The following PDE6A variants were observed in gnomAD, a reference collection of about 807,000 sequenced individuals.
PDE6A encodes phosphodiesterase 6A.
A neutral mutation model predicts 106.3 loss-of-function variants in PDE6A; 84 were observed. The observed-to-expected ratio is 0.79, with a 90% CI of 0.66 to 0.95. The LOEUF is 0.95. Ranked by LOEUF, PDE6A falls within the 40% of genes least tolerant of loss-of-function variation. The pLI is 0.00. For missense variants in PDE6A, 1,052 were observed against 1,084.9 expected (o/e 0.97, Z 0.43); for synonymous variants, 394 against 386.6 (o/e 1.02, Z -0.23).
intron 4 of PDE6A, among the ~76,000 whole-genome samples, chr5:149,930,625 T>C (rs1754004983): frequency 6.6e-6 from 1 of 152,180 alleles, no homozygotes; most frequent in Non-Finnish European, 1.5e-5. Context: ...ATTGCCTGGG[T>C]GAGCTCTGGA....
At chr5:149,898,088 G>A (rs1305500057) in intron 10 of PDE6A, among the ~76,000 whole-genome samples, 1 of 152,196 alleles carries the variant, frequency 6.6e-6, no homozygotes, top group Non-Finnish European at 1.5e-5. Flanking sequence ...CCCCAAGAAT[G>A]AGGTGTTTCT....
rs533660014 is a variant in PDE6A at position 149,883,569 on chromosome 5, A to C, written c.2028-33T>G. The C allele has an allele frequency of 4.3e-5, 62 of 1,445,060 alleles. 2 individuals are homozygous for C. In the South Asian group the frequency reaches 6.8e-4, roughly 16 times the overall value. The allele number at this position is 1,445,060 out of a possible 1,614,324, so 89.5% of individuals were successfully genotyped here. A position where few individuals can be genotyped will look rare whatever the true frequency, so the allele number is the denominator to read the frequency against. On this transcript the variant is annotated intron_variant, in intron 16 of 21. Coordinates refer to ENST00000255266, the MANE Select transcript of PDE6A (RefSeq NM_000440.3). Reference sequence around the variant, plus strand: ...ACATATCAGTCTAGTAAAGGGAGCAAGTCTTAGAATAAGGCAACACCTGAG... The same window carrying C: ...ACATATCAGTCTAGTAAAGGGAGCACGTCTTAGAATAAGGCAACACCTGAG...
chr5:149,894,629 ATTTTTTT>A (rs10657525), intron 13 of PDE6A, among the ~76,000 whole-genome samples: 1 of 113,050 alleles, frequency 8.8e-6, no homozygotes, highest in African/African-American at 3.6e-5. Flanking sequence ...GAACTGTTGA[ATTTTTTT>A]TTTTTTTTTT....
In PDE6A at chr5:149,860,573, C is replaced by A. The variant is rs1053512936; in HGVS notation, c.*322G>T. On this transcript the variant is annotated 3_prime_UTR_variant, in exon 22 of 22. Coordinates refer to ENST00000255266, the MANE Select transcript of PDE6A (RefSeq NM_000440.3). ...CAACCCACGGCCCGTGGGCCACATGCAGCCCAGGACGGCTTTGAATGCGGC... is the reference window on the plus strand; with the variant it reads ...CAACCCACGGCCCGTGGGCCACATGAAGCCCAGGACGGCTTTGAATGCGGC... The A allele has an allele frequency of 1.6e-5, 4 of 245,316 alleles. No individual in the cohort carries two copies. The East Asian group carries it at 3.3e-4, about 20-fold the overall frequency. The allele number at this position is 245,316 out of a possible 1,614,324, so 15.2% of individuals were successfully genotyped here.
At chr5:149,876,126 T>C (rs1760729955) in intron 17 of PDE6A, among the ~76,000 whole-genome samples, 7 of 152,158 alleles carry the variant, frequency 4.6e-5, no homozygotes. Flanking sequence ...AGCCTCTAAG[T>C]GTTGAAAAAT....
rs1489667216 is a variant in PDE6A at position 149,944,432 on chromosome 5, A to G, written c.242T>C (p.Val81Ala). 1.2e-6 allele frequency: 2 copies of G among 1,613,990 alleles called. No individual in the cohort carries two copies. The highest frequency in any genetic ancestry group is 1.7e-5 in the Admixed American group (1 of 60,014). Residue 81 changes from valine to alanine, a missense_variant, in exon 1 of 22, where the codon GTC (valine) becomes GCC (alanine). Physicochemically the swap from Val to Ala is moderately conservative, Grantham distance 64. This residue lies in a region of PDE6A where 913 missense variants were observed against 915.2 expected (regional missense o/e 1.00). Transcript: ENST00000255266. ...CAGGAGGAAGCACAGCTTCTTCATGACATTGAAGATGCATTTCTCTGTCTG... is the reference window on the plus strand; with the variant it reads ...CAGGAGGAAGCACAGCTTCTTCATGGCATTGAAGATGCATTTCTCTGTCTG... The part of the protein sequence containing the change: ...NLQTEKCIFN[V>A]MKKLCFLLQA...
chr5:149,896,248 AC>A, intron 12 of PDE6A, 107 bp downstream of exon 12: 1 of 893,624 alleles, frequency 1.1e-6, no homozygotes, highest in Non-Finnish European at 1.8e-6. Context: ...AATCCTAAAT[AC>A]TGAGAGTAAA....
intron 6 of PDE6A, 95 bp from the exon 7 acceptor site, chr5:149,907,473 T>G: frequency 1.0e-6 from 1 of 972,324 alleles, no homozygotes; most frequent in Non-Finnish European, 1.7e-6. Flanking sequence ...TGCTCTCAGG[T>G]GGCTCTCAGC....
chr5:149,874,967 C>T (rs911754200), intron 17 of PDE6A, among the ~76,000 whole-genome samples: 21 of 152,230 alleles, frequency 1.4e-4, no homozygotes, highest in African/African-American at 5.1e-4. Context: ...GATGAGGAAA[C>T]TGAGGTGAGG....
At chr5:149,885,832 TG>T (rs1456258781) in intron 14 of PDE6A, among the ~76,000 whole-genome samples, 1 of 152,250 alleles carries the variant, frequency 6.6e-6, no homozygotes, top group African/African-American at 2.4e-5. Flanking sequence ...TCCGTTTCCT[TG>T]CTCTTTTGAG....
At chr5:149,880,259 C>A (rs944480310) in intron 17 of PDE6A, among the ~76,000 whole-genome samples, 2 of 152,034 alleles carry the variant, frequency 1.3e-5, no homozygotes, top group Non-Finnish European at 2.9e-5. Flanking sequence ...TTTGGAATCA[C>A]CCTTAAATGA....
intron 10 of PDE6A, among the ~76,000 whole-genome samples, chr5:149,897,303 G>A (rs893755459): frequency 1.3e-5 from 2 of 152,170 alleles, no homozygotes; most frequent in African/African-American, 4.8e-5. Flanking sequence ...GTGTCCCCAT[G>A]TGCCAGAGGA....
chr5:149,920,942 A>AAAAGAAAGAAGAAAG (rs1554091215), intron 5 of PDE6A, among the ~76,000 whole-genome samples: 2 of 108,350 alleles, frequency 1.8e-5, no homozygotes, highest in East Asian at 2.6e-4. Flanking sequence ...GAAAGAGAGA[A>AAAAGAAAGAAGAAAG]AAAGAAAGAA....
At position 149,914,864 on chromosome 5, in the gene PDE6A, TTCCAGAA is replaced by T. The variant is rs1753502899; in HGVS notation, c.998+72_998+78del. The T allele has an allele frequency of 3.1e-6, 3 of 954,126 alleles. No individual in the cohort carries two copies. In the Admixed American group the frequency reaches 5.1e-5, roughly 16 times the overall value. The allele number at this position is 954,126 out of a possible 1,614,324, so 59.1% of individuals were successfully genotyped here. A position where few individuals can be genotyped will look rare whatever the true frequency, so the allele number is the denominator to read the frequency against. On this transcript the variant is annotated intron_variant, in intron 6 of 21. Transcript: ENST00000255266. ...TTTTATGGAATGAAGTGTTGCCCAA[TTCCAGAA>T]TCACCGATAAAGCCAATTGAGATCT...
At chr5:149,900,099 A>AT (rs1428704320) in intron 8 of PDE6A, among the ~76,000 whole-genome samples, 6 of 151,934 alleles carry the variant, frequency 3.9e-5, no homozygotes, top group African/African-American at 1.2e-4. Flanking sequence ...CACACCTATA[A>AT]TCCCAGCATT....
chr5:149,896,522 A>G lies in PDE6A; in HGVS notation c.1474-20T>C, dbSNP rs2113587093. ...CGCTTGCTGTATAAGGAATAGAGTC[A>G]GGTGATTAGGAAACATGAAGTGTTT... On this transcript the variant is annotated intron_variant, in intron 11 of 21. Coordinates refer to ENST00000255266, the MANE Select transcript of PDE6A (RefSeq NM_000440.3). 1.2e-6 allele frequency: 2 copies of G among 1,614,204 alleles called. No homozygotes were observed. Among genetic ancestry groups the G allele is most frequent in the South Asian group, 1.1e-5 (1 of 91,066 alleles).
At chr5:149,867,451 G>A in intron 19 of PDE6A, 1 of 551,098 alleles carries the variant, frequency 1.8e-6, no homozygotes, top group Non-Finnish European at 3.3e-6. Flanking sequence ...CAAAATTTAG[G>A]AGGGCTTACT....
At chr5:149,938,672 AT>A (rs1218461280) in intron 1 of PDE6A, among the ~76,000 whole-genome samples, 1 of 152,278 alleles carries the variant, frequency 6.6e-6, no homozygotes, top group East Asian at 1.9e-4. Context: ...ACTATAAATA[AT>A]TTTTTAGTGT....
chr5:149,942,415 C>T (rs989385861), intron 1 of PDE6A, among the ~76,000 whole-genome samples: 16 of 152,154 alleles, frequency 1.1e-4, no homozygotes, highest in African/African-American at 3.1e-4. Flanking sequence ...CCTTAGGCAG[C>T]CTGGTGGTCC....
Sources: gnomAD v4.1 joint callset for allele counts (sites outside exome capture counted in the v4.1 genomes callset) on GRCh38, gnomAD v4.1.1 for gene constraint, gnomAD v4.1.1 regional missense constraint, MANE v1.5 for transcripts, NCBI Gene and HGNC (gene_info 2026-07-23, HGNC 2026-07-21) for gene names.